The following CELF1 variants were observed in gnomAD, a reference collection of about 807,000 sequenced individuals.
CELF1 encodes the protein CUGBP Elav-like family member 1, also known as 50 kDa nuclear polyadenylated RNA-binding protein.
Under a neutral mutation model 61.8 loss-of-function variants are expected in CELF1, and 10 were observed. The ratio of observed to expected loss-of-function variants is 0.16; its 90% confidence interval spans 0.10 to 0.27. The LOEUF (loss-of-function observed/expected upper bound fraction) is 0.27, where lower values mean the gene tolerates loss of function less well. CELF1 is among the 10% of genes least tolerant of loss of function. The pLI, the probability that CELF1 is intolerant of heterozygous loss-of-function variation, is 1.00. For synonymous variants in CELF1, 236 were observed against 225.1 expected (o/e 1.05, Z -0.43); for missense variants, 380 against 639.1 (o/e 0.59, Z 4.37).
chr11:47,483,279 G>A (rs2084547514), intron 8 of CELF1, among the ~76,000 whole-genome samples, 174 bp downstream of exon 8: 1 of 151,926 alleles, frequency 6.6e-6, no homozygotes, highest in Non-Finnish European at 1.5e-5. Flanking sequence ...AAAGGGGTAG[G>A]GAGAGCATTT....
chr11:47,483,941 CAT>C (rs1425273118), intron 7 of CELF1, among the ~76,000 whole-genome samples: 1 of 152,130 alleles, frequency 6.6e-6, no homozygotes, highest in Non-Finnish European at 1.5e-5. Context: ...CAAGACAGGA[CAT>C]AGATATACAG....
intron 5 of CELF1, 33 bp downstream of exon 5, chr11:47,487,126 C>T (rs1422192790): frequency 6.6e-7 from 1 of 1,521,818 alleles, no homozygotes. Flanking sequence ...TCAAAGTTAC[C>T]ACATTTCCAT....
chr11:47,510,518 G>C (rs1055143816), intron 1 of CELF1, among the ~76,000 whole-genome samples: 1 of 152,072 alleles, frequency 6.6e-6, no homozygotes, highest in Non-Finnish European at 1.5e-5. Flanking sequence ...TGAGGGTCTC[G>C]CTCTGTTGCC....
intron 1 of CELF1, among the ~76,000 whole-genome samples, chr11:47,514,550 A>G (rs1197286909): frequency 6.6e-6 from 1 of 152,052 alleles, no homozygotes; most frequent in Non-Finnish European, 1.5e-5. Context: ...AGCATGCAAA[A>G]AACATTTTTA....
At chr11:47,477,132 G>C (rs1371969978) in intron 11 of CELF1, 165 bp downstream of exon 11, 1 of 908,114 alleles carries the variant, frequency 1.1e-6, no homozygotes, top group Non-Finnish European at 1.7e-6. Flanking sequence ...TGAAAATCAG[G>C]AAGATTTCTC....
chr11:47,486,140 A>T (rs547713718), intron 6 of CELF1, among the ~76,000 whole-genome samples: 39,960 of 39,968 alleles, frequency 1, 19,976 homozygotes, highest in Middle Eastern at 1. Flanking sequence ...CCGCCCAGGC[A>T]ACAGAGTGAG....
At chr11:47,510,138 A>G (rs2094989254) in intron 1 of CELF1, among the ~76,000 whole-genome samples, 1 of 152,150 alleles carries the variant, frequency 6.6e-6, no homozygotes, top group Admixed American at 6.5e-5. Flanking sequence ...GAGAGTTCCA[A>G]TATTATCTAC....
At chr11:47,522,611 T>G (rs1168737810) in intron 1 of CELF1, among the ~76,000 whole-genome samples, 2 of 149,026 alleles carry the variant, frequency 1.3e-5, no homozygotes, top group Admixed American at 1.3e-4. Flanking sequence ...GTGGATCACC[T>G]GAGGTCAGGA....
chr11:47,484,867 G>A (rs2153451687), intron 6 of CELF1, among the ~76,000 whole-genome samples: 1 of 152,172 alleles, frequency 6.6e-6, no homozygotes, highest in South Asian at 2.1e-4. Context: ...TAGTAGAGAT[G>A]GGGTTTCTCC....
intron 1 of CELF1, among the ~76,000 whole-genome samples, chr11:47,533,625 A>AAAAT (rs1195606306): frequency 7.5e-5 from 5 of 66,348 alleles, no homozygotes; most frequent in African/African-American, 2.6e-4. Flanking sequence ...TCCATTTCAA[A>AAAAT]AAATAAATAA....
At position 47,509,478 on chromosome 11, in the gene CELF1, C is replaced by T. The variant is rs937082938; in HGVS notation, c.-153-8546G>A. On this transcript the variant is annotated intron_variant, in intron 1 of 14. Coordinates refer to ENST00000687097, the MANE Select transcript of CELF1 (RefSeq NM_001376376.1). Reference sequence around the variant, plus strand: ...ATAAGGCAGGAGCACTGTTTGAGCCCGGAAGTTTGAGGCTGTAGTGAGCTA... The same window carrying T: ...ATAAGGCAGGAGCACTGTTTGAGCCTGGAAGTTTGAGGCTGTAGTGAGCTA... 1.3e-5 allele frequency among the ~76,000 whole-genome samples: 2 copies of T among 152,102 alleles called. 1 individual carries two copies. Among genetic ancestry groups the T allele is most frequent in the Non-Finnish European group, 2.9e-5 (2 of 68,020 alleles).
At chr11:47,536,454 CT>C (rs1296140818) in intron 1 of CELF1, among the ~76,000 whole-genome samples, 7 of 152,064 alleles carry the variant, frequency 4.6e-5, no homozygotes, top group Non-Finnish European at 1.0e-4. Context: ...GTTTGCAAAG[CT>C]TTTTAAAAAA....
intron 1 of CELF1, among the ~76,000 whole-genome samples, chr11:47,533,869 C>T (rs1280509248): frequency 1.4e-5 from 2 of 147,416 alleles, no homozygotes; most frequent in Admixed American, 1.4e-4. Context: ...CTCTGTTGCA[C>T]AATAGTTAAA....
At chr11:47,543,030 G>A (rs2096848496) in intron 1 of CELF1, among the ~76,000 whole-genome samples, 1 of 152,056 alleles carries the variant, frequency 6.6e-6, no homozygotes, top group Non-Finnish European at 1.5e-5. Context: ...TGAGGCTGGA[G>A]GATCGCTTGA....
At chr11:47,481,576 A>G (rs2083274691) in intron 9 of CELF1, among the ~76,000 whole-genome samples, 1 of 152,202 alleles carries the variant, frequency 6.6e-6, no homozygotes, top group Non-Finnish European at 1.5e-5. Flanking sequence ...TGACTATACT[A>G]GCTATTTCTA....
chr11:47,494,050 C>G (rs185458214), intron 3 of CELF1, among the ~76,000 whole-genome samples: 2 of 152,350 alleles, frequency 1.3e-5, no homozygotes, highest in African/African-American at 4.8e-5. Context: ...GTATATTTAT[C>G]ATCTCCATTC....
chr11:47,548,176 G>A (rs2097028163), intron 1 of CELF1, among the ~76,000 whole-genome samples: 2 of 152,024 alleles, frequency 1.3e-5, no homozygotes, highest in African/African-American at 4.8e-5. Context: ...GCAGGAACCT[G>A]TAATCCCAGC....
intron 12 of CELF1, among the ~76,000 whole-genome samples, chr11:47,476,034 C>T (rs1398937834): frequency 2.7e-5 from 4 of 149,382 alleles, no homozygotes; most frequent in Non-Finnish European, 4.4e-5. Context: ...GAGTCTCACT[C>T]TGTCACCTAG....
chr11:47,499,328 G>A (rs2093610433), intron 3 of CELF1, 125 bp downstream of exon 3: 1 of 672,902 alleles, frequency 1.5e-6, no homozygotes, highest in Non-Finnish European at 2.5e-6. Context: ...GAGAATTCAG[G>A]TTGTTTTGGC....
Sources: gnomAD v4.1 joint callset for allele counts (sites outside exome capture counted in the v4.1 genomes callset) on GRCh38, gnomAD v4.1.1 for gene constraint, MANE v1.5 for transcripts, NCBI Gene and HGNC (gene_info 2026-07-23, HGNC 2026-07-21) for gene names.